Variants in RAD51B observed in about 807,000 individuals in gnomAD.
The protein encoded by RAD51B is DNA repair protein RAD51 homolog 2.
A neutral mutation model predicts 42.2 loss-of-function variants in RAD51B; 38 were observed. The observed-to-expected ratio is 0.90, with a 90% CI of 0.70 to 1.18. The LOEUF (loss-of-function observed/expected upper bound fraction) is 1.18. Ranked by LOEUF, RAD51B falls within the 50% of genes most tolerant of loss-of-function variation. The probability of loss-of-function intolerance (pLI) is 0.00; values close to 1 mark genes in which losing one functional copy is unlikely to be tolerated. For missense variants in RAD51B, 373 were observed against 400.7 expected (o/e 0.93, Z 0.59); for synonymous variants, 154 against 145.2 (o/e 1.06, Z -0.43).
At chr14:68,141,156 AGAACAGTGCCACTCTTCTCAT>A (rs2078119731) in intron 7 of RAD51B, among the ~76,000 whole-genome samples, 1 of 152,180 alleles carries the variant, frequency 6.6e-6, no homozygotes, top group Non-Finnish European at 1.5e-5. Context: ...GCAGGAATGC[AGAACAGTGCCACTCTTCTCAT>A]GAACATTTTT....
At chr14:67,866,635 T>A (rs2042343430) in intron 5 of RAD51B, among the ~76,000 whole-genome samples, 1 of 152,212 alleles carries the variant, frequency 6.6e-6, no homozygotes, top group South Asian at 2.1e-4. Context: ...TTATTACCAG[T>A]ATTACAGTTC....
chr14:67,822,192 AGTTC>A (rs570722955), intron 1 of RAD51B: 9 of 152,166 alleles, frequency 5.9e-5, no homozygotes, highest in Non-Finnish European at 1.0e-4. Context: ...TTCCTGTTTC[AGTTC>A]GTTCCAGAGG....
At chr14:68,184,414 C>A (rs972781205) in intron 7 of RAD51B, among the ~76,000 whole-genome samples, 1 of 151,702 alleles carries the variant, frequency 6.6e-6, no homozygotes, top group Non-Finnish European at 1.5e-5. Flanking sequence ...ATTTTGTATT[C>A]TTTTTTCTTT....
chr14:68,398,975 A>G (rs1020434481), intron 8 of RAD51B, among the ~76,000 whole-genome samples: 1 of 152,196 alleles, frequency 6.6e-6, no homozygotes, highest in African/African-American at 2.4e-5. Flanking sequence ...ATCACCTCCA[A>G]AGATTCTGAT....
At chr14:67,893,509 C>CAAAAA (rs71129863) in intron 7 of RAD51B, among the ~76,000 whole-genome samples, 16 of 83,764 alleles carry the variant, frequency 1.9e-4, no homozygotes, top group African/African-American at 7.1e-4. Flanking sequence ...CACACACACA[C>CAAAAA]AAAAAAAAAC....
At chr14:68,197,899 A>C (rs1471834494) in intron 7 of RAD51B, among the ~76,000 whole-genome samples, 1 of 152,118 alleles carries the variant, frequency 6.6e-6, no homozygotes, top group African/African-American at 2.4e-5. Context: ...TTTCAGATAT[A>C]TGTACTATAA....
At chr14:68,216,991 A>T (rs2079828919) in intron 7 of RAD51B, among the ~76,000 whole-genome samples, 1 of 152,174 alleles carries the variant, frequency 6.6e-6, no homozygotes, top group African/African-American at 2.4e-5. Flanking sequence ...CCAGACTCTA[A>T]TTCTTCTATT....
At chr14:68,440,417 C>T (rs1452259839) in intron 9 of RAD51B, among the ~76,000 whole-genome samples, 1 of 152,200 alleles carries the variant, frequency 6.6e-6, no homozygotes, top group African/African-American at 2.4e-5. Flanking sequence ...TCTGCCTTCT[C>T]ATATTCTTCA....
intron 7 of RAD51B, among the ~76,000 whole-genome samples, chr14:68,217,424 C>T (rs1303182092): frequency 2.6e-5 from 4 of 152,188 alleles, no homozygotes; most frequent in Non-Finnish European, 5.9e-5. Context: ...TGGATAATGG[C>T]CTCCTGATCA....
In RAD51B at chr14:68,584,612, C is replaced by A. The variant is rs530021904; in HGVS notation, c.1037-9873C>A. Among the ~76,000 whole-genome samples, 4 of 152,266 alleles carry A rather than the reference C, an allele frequency of 2.6e-5. No individual in the cohort carries two copies. In the South Asian group the frequency reaches 8.3e-4, roughly 32 times the overall value. On this transcript the variant is annotated intron_variant, in intron 10 of 10. Transcript: ENST00000487270. ...CCCAACATCTGCTCATCTGCACCTA[C>A]CCAGCTGTTCTTATTTCTATCCAAA...
chr14:68,130,090 G>A (rs1254786294), intron 7 of RAD51B: 2 of 152,226 alleles, frequency 1.3e-5, no homozygotes, highest in African/African-American at 4.8e-5. Flanking sequence ...CCTCTTCCAA[G>A]ATCATTCCTT....
intron 7 of RAD51B, among the ~76,000 whole-genome samples, chr14:68,111,502 G>T (rs2077458853): frequency 6.6e-6 from 1 of 152,056 alleles, no homozygotes; most frequent in Non-Finnish European, 1.5e-5. Flanking sequence ...TAAATTATTT[G>T]CTTTTGGTGA....
intron 7 of RAD51B, among the ~76,000 whole-genome samples, chr14:67,917,298 G>A (rs111778417): frequency 5.9e-4 from 90 of 152,334 alleles, no homozygotes; most frequent in African/African-American, 2.1e-3. Context: ...ACCAGCATCT[G>A]CTCAACTTCC....
At chr14:67,885,411 AT>A (rs34763559) in intron 5 of RAD51B, among the ~76,000 whole-genome samples, 90 of 152,352 alleles carry the variant, frequency 5.9e-4, no homozygotes, top group African/African-American at 2.1e-3. Flanking sequence ...ATTTGCATGA[AT>A]TGTTTCAATT....
chr14:68,332,371 G>A (rs1310651932), intron 8 of RAD51B, among the ~76,000 whole-genome samples: 2 of 152,160 alleles, frequency 1.3e-5, no homozygotes, highest in East Asian at 3.9e-4. Flanking sequence ...TTTTTTAACA[G>A]AATAAAGGTA....
At chr14:68,543,917 T>C (rs1442829149) in intron 10 of RAD51B, among the ~76,000 whole-genome samples, 1 of 152,206 alleles carries the variant, frequency 6.6e-6, no homozygotes, top group East Asian at 1.9e-4. Flanking sequence ...CTCAGGAAAT[T>C]AGAACAAAAA....
intron 7 of RAD51B, among the ~76,000 whole-genome samples, chr14:67,932,063 T>G (rs2044758033): frequency 6.6e-6 from 1 of 152,244 alleles, no homozygotes. Context: ...GGAGTACAAT[T>G]GAACATGTCA....
downstream of RAD51B, among the ~76,000 whole-genome samples, chr14:68,598,602 C>T (rs183037304): frequency 7.2e-5 from 11 of 152,172 alleles, no homozygotes; most frequent in Admixed American, 6.5e-4. Context: ...TGTTGAGACC[C>T]AAATTCCTCT....
intron 7 of RAD51B, among the ~76,000 whole-genome samples, chr14:68,286,998 G>T (rs2081425972): frequency 6.6e-6 from 1 of 152,176 alleles, no homozygotes; most frequent in Non-Finnish European, 1.5e-5. Context: ...TAGTGTGTGT[G>T]TTGTGTGTGT....
Sources: allele counts gnomAD v4.1 joint callset (sites outside exome capture counted in the v4.1 genomes callset), GRCh38; gene constraint gnomAD v4.1.1; transcripts MANE v1.5; gene names NCBI Gene and HGNC (gene_info 2026-07-23, HGNC 2026-07-21).